Variants in DAB1 observed in about 807,000 individuals in gnomAD.
DAB1 encodes disabled homolog 1.
DAB1 carries 15 observed loss-of-function variants against 64.6 expected under a neutral mutation model. The ratio of observed to expected loss-of-function variants is 0.23; its 90% confidence interval spans 0.16 to 0.36. The LOEUF is 0.36. Ranked by LOEUF, DAB1 falls within the 10% of genes least tolerant of loss-of-function variation. The pLI is 1.00. For synonymous variants in DAB1, 235 were observed against 251.9 expected (o/e 0.93, Z 0.64); for missense variants, 596 against 706.7 (o/e 0.84, Z 1.78).
Position 58,432,384 on chromosome 1 carries a change from T to A in DAB1, n.257+73676A>T, listed in dbSNP as rs1020312717. 3.0e-4 allele frequency among the ~76,000 whole-genome samples: 46 copies of A among 152,232 alleles called. 1 individual carries two copies. The highest frequency in any genetic ancestry group is 1.0e-3 in the Admixed American group (16 of 15,282). On this transcript the variant is annotated intron_variant and non_coding_transcript_variant, in intron 3 of 20. Coordinates refer to the DAB1 transcript ENST00000485760. ...GTTCCTCAAAATCAAAGAAAAAAAA[T>A]TTTTTTGACTCATGATTGTATCCCC... is the stretch of plus-strand genomic sequence containing the variant.
At chr1:58,519,858 G>T (rs1467256923) in intron 2 of DAB1, among the ~76,000 whole-genome samples, 1 of 152,112 alleles carries the variant, frequency 6.6e-6, no homozygotes, top group Admixed American at 6.5e-5. Flanking sequence ...GGGATATTCT[G>T]GAATGAAAAG....
intron 4 of DAB1, among the ~76,000 whole-genome samples, chr1:58,156,808 T>C (rs1557675200): frequency 6.6e-6 from 1 of 152,194 alleles, no homozygotes; most frequent in Non-Finnish European, 1.5e-5. Context: ...AGGAAAATCA[T>C]GCTGCACAAG....
At chr1:57,161,850 C>T (rs1357090090) in intron 2 of DAB1, among the ~76,000 whole-genome samples, 1 of 127,926 alleles carries the variant, frequency 7.8e-6, no homozygotes, top group African/African-American at 2.8e-5. Context: ...ACCCATTCTT[C>T]AAAAAAAAAA....
intron 4 of DAB1, among the ~76,000 whole-genome samples, chr1:58,210,254 C>T (rs764974850): frequency 1.3e-5 from 2 of 152,096 alleles, no homozygotes; most frequent in Non-Finnish European, 1.5e-5. Context: ...TACATGTTTT[C>T]CCACTAGGGA....
intron 7 of DAB1, among the ~76,000 whole-genome samples, chr1:57,540,069 A>G (rs867692277): frequency 6.6e-6 from 1 of 152,238 alleles, no homozygotes; most frequent in African/African-American, 2.4e-5. Flanking sequence ...TAGCACACTT[A>G]TTGAATATCT....
intron 4 of DAB1, 126 bp from the exon 5 acceptor site, chr1:57,072,540 A>G: frequency 1.1e-6 from 1 of 939,806 alleles, no homozygotes; most frequent in Non-Finnish European, 1.6e-6. Context: ...TGTTTAGTCC[A>G]GATGGAAAGA....
In DAB1 at chr1:57,967,616, C is replaced by T. The variant is rs77994918; in HGVS notation, n.388-83454G>A. Among the ~76,000 whole-genome samples, 78 of 152,252 alleles carry T rather than the reference C, an allele frequency of 5.1e-4. 1 individual carries two copies. The East Asian group carries it at 0.011, about 21-fold the overall frequency. ...ATTCAGACAGAGCAGTGTGGTTAAG[C>T]GTGCAGCTCTAGAATCTAACTGGGT... is the stretch of plus-strand genomic sequence containing the variant. On this transcript the variant is annotated intron_variant and non_coding_transcript_variant, in intron 5 of 20. Transcript: ENST00000485760.
chr1:58,361,196 C>G (rs1569683907), intron 3 of DAB1, among the ~76,000 whole-genome samples: 2 of 152,172 alleles, frequency 1.3e-5, no homozygotes, highest in African/African-American at 4.8e-5. Context: ...CAGCCTTGCC[C>G]CTGGGTCTGG....
chr1:58,063,787 C>G (rs1411531327), intron 5 of DAB1, among the ~76,000 whole-genome samples: 1 of 152,170 alleles, frequency 6.6e-6, no homozygotes, highest in Non-Finnish European at 1.5e-5. Flanking sequence ...GGGAAAGCCG[C>G]AGGTGGATAG....
intron 4 of DAB1, among the ~76,000 whole-genome samples, chr1:58,228,028 C>G (rs1326568034): frequency 2.6e-5 from 4 of 152,178 alleles, no homozygotes; most frequent in African/African-American, 9.7e-5. Context: ...CGAGGGTAAG[C>G]CCATAGCCTA....
intron 1 of DAB1, among the ~76,000 whole-genome samples, chr1:57,364,330 G>T (rs75854522): frequency 2.3e-3 from 350 of 152,238 alleles, no homozygotes; most frequent in African/African-American, 8.1e-3. Flanking sequence ...AATAGCAAGA[G>T]AAGTCATTTA....
intron 2 of DAB1, among the ~76,000 whole-genome samples, chr1:57,153,762 T>C (rs916931258): frequency 1.3e-5 from 2 of 151,956 alleles, no homozygotes; most frequent in African/African-American, 4.8e-5. Context: ...CTCAGCCTCC[T>C]GAGTAGCTGG....
chr1:58,239,810 C>G (rs2100374561), intron 4 of DAB1, among the ~76,000 whole-genome samples: 1 of 152,232 alleles, frequency 6.6e-6, no homozygotes, highest in East Asian at 1.9e-4. Context: ...AAATAACCAA[C>G]TCTGAGTGGA....
At chr1:57,626,933 G>T (rs1220804612) in intron 7 of DAB1, among the ~76,000 whole-genome samples, 1 of 152,168 alleles carries the variant, frequency 6.6e-6, no homozygotes, top group East Asian at 1.9e-4. Flanking sequence ...AGTCCTTTGT[G>T]CCATGTGTGA....
chr1:57,862,222 T>G (rs1294630076), intron 1 of DAB1, among the ~76,000 whole-genome samples: 1 of 152,216 alleles, frequency 6.6e-6, no homozygotes, highest in African/African-American at 2.4e-5. Flanking sequence ...CCTCATGAAA[T>G]AGATAGTATT....
At chr1:58,481,204 CTA>C in intron 3 of DAB1, 3 of 715,152 alleles carry the variant, frequency 4.2e-6, no homozygotes. Context: ...TAAAAAAATA[CTA>C]TATATATACA....
Position 57,439,418 on chromosome 1 carries a change from G to GTTTTTTTTTTTTTTTT in DAB1, n.626-148253_626-148252insAAAAAAAAAAAAAAAA. 1.6e-3 allele frequency among the ~76,000 whole-genome samples: 187 copies of GTTTTTTTTTTTTTTTT among 116,066 alleles called. 24 individuals carry two copies. The highest frequency in any genetic ancestry group is 1.9e-3 in the Non-Finnish European group (111 of 58,840). 76.1% of individuals were successfully genotyped at this position (116,066 alleles called of 152,430 possible). A position where few individuals can be genotyped will look rare whatever the true frequency, so the allele number is the denominator to read the frequency against. On this transcript the variant is annotated intron_variant and non_coding_transcript_variant, in intron 7 of 20. Coordinates refer to the DAB1 transcript ENST00000485760. ...GCCATGCCATCAACTTGGTGATGAG[G>GTTTTTTTTTTTTTTTT]TTTTTTCTTTTTTTTTTTTTTTTTT...
At chr1:57,519,283 G>T (rs1005277912) in intron 7 of DAB1, among the ~76,000 whole-genome samples, 1 of 152,154 alleles carries the variant, frequency 6.6e-6, no homozygotes, top group African/African-American at 2.4e-5. Flanking sequence ...CCTGTCCAAA[G>T]TCACATGACA....
At chr1:57,795,696 T>G (rs1284322671) in intron 6 of DAB1, among the ~76,000 whole-genome samples, 10 of 42,342 alleles carry the variant, frequency 2.4e-4, no homozygotes, top group Non-Finnish European at 3.4e-4. Context: ...TGGAGATATA[T>G]ATATATATAT....
Sources: allele counts gnomAD v4.1 joint callset (sites outside exome capture counted in the v4.1 genomes callset), GRCh38; gene constraint gnomAD v4.1.1; transcripts MANE v1.5; gene names NCBI Gene and HGNC (gene_info 2026-07-23, HGNC 2026-07-21).